KAT6B: variants seen among roughly 807,000 people sequenced by gnomAD.
The protein encoded by KAT6B is histone acetyltransferase KAT6B.
Under a neutral mutation model 187.5 loss-of-function variants are expected in KAT6B, and 10 were observed. The ratio of observed to expected loss-of-function variants is 0.05; its 90% confidence interval spans 0.03 to 0.09. The LOEUF (loss-of-function observed/expected upper bound fraction) is 0.09, where lower values mean the gene tolerates loss of function less well. Ranked by LOEUF, KAT6B falls within the 10% of genes least tolerant of loss-of-function variation. KAT6B has a pLI of 1.00. For missense variants in KAT6B, 1,952 were observed against 2,558.9 expected, an observed-to-expected ratio of 0.76 and a Z score of 5.12; for synonymous variants, 861 against 926.8, an observed-to-expected ratio of 0.93 and a Z score of 1.29.
At chr10:74,850,502 T>C (rs1842410871) in intron 3 of KAT6B, among the ~76,000 whole-genome samples, 1 of 152,216 alleles carries the variant, frequency 6.6e-6, no homozygotes, top group African/African-American at 2.4e-5. Context: ...CATCTTCTGA[T>C]AGTCTGGAAT....
intron 13 of KAT6B, among the ~76,000 whole-genome samples, chr10:75,007,510 T>C (rs1435380363): frequency 6.6e-6 from 1 of 152,024 alleles, no homozygotes; most frequent in African/African-American, 2.4e-5. Context: ...GTTTTGGTGA[T>C]GAAAGTATAA....
At chr10:74,881,869 T>C (rs1009274005) in intron 3 of KAT6B, among the ~76,000 whole-genome samples, 1 of 152,152 alleles carries the variant, frequency 6.6e-6, no homozygotes, top group African/African-American at 2.4e-5. Flanking sequence ...TTGCCTAGGC[T>C]CTTCTCAAAC....
chr10:75,028,071 A>C (rs1194301167), intron 17 of KAT6B, among the ~76,000 whole-genome samples: 1 of 152,210 alleles, frequency 6.6e-6, no homozygotes, highest in Non-Finnish European at 1.5e-5. Context: ...TAGATATGAG[A>C]GTTAAGGCTT....
chr10:74,876,384 A>T (rs1431120869), intron 3 of KAT6B, among the ~76,000 whole-genome samples: 1 of 152,174 alleles, frequency 6.6e-6, no homozygotes, highest in Non-Finnish European at 1.5e-5. Context: ...TTCAGAAGCT[A>T]ATCTTCATTT....
At chr10:75,025,644 G>A (rs1001663013) in intron 17 of KAT6B, 9 of 213,902 alleles carry the variant, frequency 4.2e-5, no homozygotes, top group Admixed American at 2.1e-4. Context: ...GAATGGAATC[G>A]TTTCTTTTTT....
chr10:74,958,176 A>C (rs1840821005), intron 3 of KAT6B, among the ~76,000 whole-genome samples: 1 of 152,102 alleles, frequency 6.6e-6, no homozygotes, highest in Admixed American at 6.6e-5. Flanking sequence ...GAACTAAGGC[A>C]TTTGTTGGAA....
intron 13 of KAT6B, among the ~76,000 whole-genome samples, chr10:74,996,977 T>C (rs1041678943): frequency 1.3e-5 from 2 of 152,152 alleles, no homozygotes; most frequent in Non-Finnish European, 2.9e-5. Context: ...TTACAACATA[T>C]GTGCTAGGCA....
chr10:74,945,859 G>C (rs1839912447), intron 3 of KAT6B, among the ~76,000 whole-genome samples: 1 of 152,138 alleles, frequency 6.6e-6, no homozygotes, highest in Non-Finnish European at 1.5e-5. Flanking sequence ...TTTCATAATG[G>C]AGATTATTTT....
chr10:74,968,962 GA>G (rs939639365), intron 4 of KAT6B, among the ~76,000 whole-genome samples: 27 of 152,062 alleles, frequency 1.8e-4, no homozygotes, highest in African/African-American at 6.3e-4. Flanking sequence ...CCCCAAACAG[GA>G]AAATGGGGGA....
chr10:74,960,140 T>TAA, intron 4 of KAT6B, 62 bp downstream of exon 4: 1 of 1,032,498 alleles, frequency 9.7e-7, no homozygotes, highest in Non-Finnish European at 1.5e-6. Context: ...TTCATGCTAT[T>TAA]TGTCTCTCTA....
intron 3 of KAT6B, among the ~76,000 whole-genome samples, chr10:74,929,998 C>G (rs1266914759): frequency 6.6e-6 from 1 of 151,138 alleles, no homozygotes; most frequent in African/African-American, 2.4e-5. Context: ...CGGCTCACCT[C>G]AACCTCTACC....
chr10:74,985,223 G>A lies in KAT6B; in HGVS notation c.2517G>A (p.Leu839=), dbSNP rs1842738178. The A allele has an allele frequency of 6.2e-7, 1 of 1,613,958 alleles. No individual in the cohort carries two copies. The highest frequency in any genetic ancestry group is 1.3e-5 in the African/African-American group (1 of 74,924). Residue 839 remains leucine (L), a synonymous_variant, in exon 12 of 18, where the codon CTG becomes CTA. Coordinates refer to ENST00000287239, the MANE Select transcript of KAT6B (RefSeq NM_012330.4). ...AAAATGATGAAAAGGGCTGTCATCT[G>A]GTTGGATACTTCTCTAAGGTAAAAC... ...LTKNDEKGCH[L]VGYFSKEKLC...
In KAT6B at chr10:74,976,344, C is replaced by G; in HGVS notation, c.1993+14C>G. 1.9e-6 allele frequency: 3 copies of G among 1,606,898 alleles called. No individual in the cohort carries two copies. Among genetic ancestry groups the G allele is most frequent in the Non-Finnish European group, 2.5e-6 (3 of 1,176,814 alleles). On this transcript the variant is annotated intron_variant, in intron 8 of 17. Transcript: ENST00000287239. ...ATCAGGATGATGGTAAGCAAAAGGTCAAAGCTCCAACCAAACCTGCGTCCC... is the reference window on the plus strand; with the variant it reads ...ATCAGGATGATGGTAAGCAAAAGGTGAAAGCTCCAACCAAACCTGCGTCCC...
intron 3 of KAT6B, among the ~76,000 whole-genome samples, chr10:74,948,474 A>G (rs1281376787): frequency 1.3e-5 from 2 of 152,224 alleles, no homozygotes; most frequent in African/African-American, 2.4e-5. Flanking sequence ...CCTATGTCCC[A>G]TCTCCTCATT....
chr10:75,032,222 C>CA lies in KAT6B; in HGVS notation c.*1183dup. On this transcript the variant is annotated 3_prime_UTR_variant, in exon 18 of 18. Coordinates refer to ENST00000287239, the MANE Select transcript of KAT6B (RefSeq NM_012330.4). Reference sequence around the variant, plus strand: ...CTGTTCTCTTTTTAGTCAGTCACTTCAAAAAAACAAAAAACAAACAAAAAA... The same window carrying CA: ...CTGTTCTCTTTTTAGTCAGTCACTTCAAAAAAAACAAAAAACAAACAAAAAA... The CA allele has an allele frequency of 5.3e-6, 1 of 189,688 alleles. No homozygotes were observed. The highest frequency in any genetic ancestry group is 1.1e-5 in the Non-Finnish European group (1 of 90,746). The allele number at this position is 189,688 out of a possible 1,614,324, so 11.8% of individuals were successfully genotyped here. A position where few individuals can be genotyped will look rare whatever the true frequency, so the allele number is the denominator to read the frequency against.
At chr10:74,927,228 A>C (rs1190537547) in intron 3 of KAT6B, among the ~76,000 whole-genome samples, 1 of 152,192 alleles carries the variant, frequency 6.6e-6, no homozygotes, top group Non-Finnish European at 1.5e-5. Flanking sequence ...CATTACTTCA[A>C]ACCCCTCCCT....
chr10:74,948,940 C>T (rs1280308828), intron 3 of KAT6B, among the ~76,000 whole-genome samples: 3 of 152,094 alleles, frequency 2.0e-5, no homozygotes, highest in Non-Finnish European at 2.9e-5. Context: ...ACATCCTTGT[C>T]GATTTTTGTA....
chr10:74,906,617 C>T (rs1292211023), intron 3 of KAT6B, among the ~76,000 whole-genome samples: 3 of 152,044 alleles, frequency 2.0e-5, no homozygotes, highest in African/African-American at 4.8e-5. Context: ...CATTTCCACC[C>T]TTTTATCTAC....
At chr10:74,899,300 GTTTC>G (rs1380335330) in intron 3 of KAT6B, among the ~76,000 whole-genome samples, 1 of 140,910 alleles carries the variant, frequency 7.1e-6, no homozygotes, top group Non-Finnish European at 1.6e-5. Flanking sequence ...TTGAGACGGA[GTTTC>G]TTTCTTGTCA....
Sources: allele counts gnomAD v4.1 joint callset (sites outside exome capture counted in the v4.1 genomes callset), GRCh38; gene constraint gnomAD v4.1.1; transcripts MANE v1.5; gene names NCBI Gene and HGNC (gene_info 2026-07-23, HGNC 2026-07-21).